Variants in QPCT observed in about 807,000 individuals in gnomAD.
The protein encoded by QPCT is glutaminyl-peptide cyclotransferase.
QPCT carries 44 observed loss-of-function variants against 43.4 expected under a neutral mutation model. That is an observed-to-expected ratio of 1.01 (90% CI 0.80 to 1.30). The LOEUF (loss-of-function observed/expected upper bound fraction) is 1.30. Ranked by LOEUF, QPCT falls within the 50% of genes most tolerant of loss-of-function variation. The probability of loss-of-function intolerance (pLI) is 0.00; values close to 1 mark genes in which losing one functional copy is unlikely to be tolerated. For missense variants in QPCT, 526 were observed against 436.5 expected, an observed-to-expected ratio of 1.21 and a Z score of -1.83; for synonymous variants, 168 against 168.4, an observed-to-expected ratio of 1.00 and a Z score of 0.02.
At chr2:37,372,652 C>T (rs368570964) in intron 6 of QPCT, 30 bp from the exon 7 acceptor site, 23 of 1,605,314 alleles carry the variant, frequency 1.4e-5, no homozygotes, top group East Asian at 1.3e-4. Context: ...GAGTAATGCA[C>T]ATTGTTACAA....
intron 6 of QPCT, 63 bp downstream of exon 6, chr2:37,372,535 A>G (rs943122180): frequency 1.4e-5 from 21 of 1,484,204 alleles, no homozygotes; most frequent in Admixed American, 1.3e-4. Flanking sequence ...TTGGAGTACA[A>G]CGGTGGGATA....
rs1398357780 is a variant in QPCT at position 37,352,822 on chromosome 2, G to C, written c.154G>C (p.Ala52Pro). Residue 52 changes from alanine to proline, a missense_variant, in exon 2 of 7, where the codon GCT becomes CCT. By Grantham distance (27) the Ala-to-Pro change is conservative. Coordinates refer to ENST00000338415, the MANE Select transcript of QPCT (RefSeq NM_012413.4). ...YHQPAILNSSALRQIAEGTSI... is the reference protein window; with the variant it reads ...YHQPAILNSSPLRQIAEGTSI... ...CCAGCCAGCCATTTTGAATTCATCG[G>C]CTCTTCGGCAAATTGCAGAAGGCAC... The C allele has an allele frequency of 6.2e-7, 1 of 1,614,082 alleles. No individual in the cohort carries two copies.
intron 6 of QPCT, 47 bp downstream of exon 6, chr2:37,372,519 C>G: frequency 6.6e-7 from 1 of 1,521,278 alleles, no homozygotes; most frequent in Non-Finnish European, 9.1e-7. Context: ...CGTGCACAGC[C>G]TGATTTTGGA....
At chr2:37,353,415 ACT>A in intron 2 of QPCT, among the ~76,000 whole-genome samples, 1 of 152,154 alleles carries the variant, frequency 6.6e-6, no homozygotes, top group Non-Finnish European at 1.5e-5. Context: ...CAAACTTCTG[ACT>A]CTGACACAAA....
At chr2:37,370,911 C>A (rs989436018) in intron 5 of QPCT, among the ~76,000 whole-genome samples, 1 of 152,168 alleles carries the variant, frequency 6.6e-6, no homozygotes. Context: ...CAGGGGGCTG[C>A]TTTGAAGGCA....
chr2:37,347,159 TATATAA>T (rs1453547054), intron 1 of QPCT, among the ~76,000 whole-genome samples: 3 of 68,694 alleles, frequency 4.4e-5, no homozygotes, highest in African/African-American at 2.0e-4. Flanking sequence ...TATATATATA[TATATAA>T]CATATATATA....
intron 5 of QPCT, among the ~76,000 whole-genome samples, chr2:37,370,903 G>C (rs1456438371): frequency 6.6e-6 from 1 of 152,200 alleles, no homozygotes; most frequent in Non-Finnish European, 1.5e-5. Flanking sequence ...ATCCAGGCCA[G>C]GGGGCTGCTT....
chr2:37,358,153 C>G (rs925718096), intron 2 of QPCT, among the ~76,000 whole-genome samples: 3 of 150,978 alleles, frequency 2.0e-5, no homozygotes, highest in African/African-American at 7.3e-5. Flanking sequence ...TGGTTCACAC[C>G]TGTAATGCCA....
At chr2:37,363,788 A>T (rs1572735531) in intron 3 of QPCT, among the ~76,000 whole-genome samples, 1 of 152,226 alleles carries the variant, frequency 6.6e-6, no homozygotes, top group East Asian at 1.9e-4. Context: ...AAGAGGAGAC[A>T]TTATATCTAT....
intron 3 of QPCT, 144 bp from the exon 4 acceptor site, chr2:37,367,088 A>G: frequency 1.2e-6 from 1 of 821,164 alleles, no homozygotes; most frequent in Non-Finnish European, 1.9e-6. Context: ...AGTGGTGTGG[A>G]ATAAATTTTG....
At chr2:37,350,769 T>G (rs1672604037) in intron 1 of QPCT, among the ~76,000 whole-genome samples, 1 of 152,232 alleles carries the variant, frequency 6.6e-6, no homozygotes, top group African/African-American at 2.4e-5. Context: ...ACTTTAAAAT[T>G]CATTCTATGG....
chr2:37,372,025 T>G (rs2124944197), intron 5 of QPCT, among the ~76,000 whole-genome samples: 1 of 152,346 alleles, frequency 6.6e-6, no homozygotes. Context: ...CATCTACACC[T>G]GCACCTGTGT....
Position 37,352,884 on chromosome 2 carries a change from A to G in QPCT, c.216A>G (p.Pro72=). The G allele has an allele frequency of 2.5e-6, 4 of 1,614,174 alleles. No individual in the cohort carries two copies. The highest frequency in any genetic ancestry group is 1.1e-5 in the South Asian group (1 of 91,088). The change falls in exon 2 of 7, where the codon CCA becomes CCG. Residue 72 remains proline, a synonymous_variant. Transcript: ENST00000338415. ...AAATGTGGCAAAATGACTTACAGCC[A>G]TTGCTGATAGAGCGATACCCGGGAT... ...ISEMWQNDLQ[P]LLIERYPGSP... is the part of the protein sequence containing the mutation.
At chr2:37,349,771 T>C (rs1672580548) in intron 1 of QPCT, among the ~76,000 whole-genome samples, 1 of 152,238 alleles carries the variant, frequency 6.6e-6, no homozygotes. Flanking sequence ...GGTAGCCACC[T>C]GTCTCTTCTG....
In QPCT at chr2:37,363,459, CA is replaced by C. The variant is rs760030748; in HGVS notation, c.546+3623del. 7.5e-3 allele frequency among the ~76,000 whole-genome samples: 358 copies of C among 47,844 alleles called. 1 individual carries two copies. The highest frequency in any genetic ancestry group is 0.059 in the South Asian group (92 of 1,564). The allele number at this position is 47,844 out of a possible 152,430, so 31.4% of individuals were successfully genotyped here. A position where few individuals can be genotyped will look rare whatever the true frequency, so the allele number is the denominator to read the frequency against. Reference sequence around the variant, plus strand: ...GCAACATAGTGAGGCTCCCTCTCTACAAAAAAAAAAAAAAAAAAAAAATTAG... The same window carrying C: ...GCAACATAGTGAGGCTCCCTCTCTACAAAAAAAAAAAAAAAAAAAAATTAG... On this transcript the variant is annotated intron_variant, in intron 3 of 6. Transcript: ENST00000338415.
intron 4 of QPCT, among the ~76,000 whole-genome samples, chr2:37,369,062 G>A (rs959491281): frequency 6.6e-6 from 1 of 152,114 alleles, no homozygotes; most frequent in Non-Finnish European, 1.5e-5. Context: ...GATAAATGAG[G>A]AGGTCTTAAT....
At chr2:37,353,035 T>C in intron 2 of QPCT, 100 bp downstream of exon 2, 1 of 1,339,932 alleles carries the variant, frequency 7.5e-7, no homozygotes, top group Non-Finnish European at 1.0e-6. Flanking sequence ...AATATTCAGA[T>C]CTGTCATCTC....
rs1476501215 is a variant in QPCT, at chr2:37,359,682, A to C, written c.370A>C (p.Ile124Leu). ...TGGGTACCGGTCTTTCTCAAATATC[A>C]TCAGCACCCTCAATCCCACTGCTAA... ...PYGYRSFSNI[I>L]STLNPTAKRH... The change falls in exon 3 of 7, where the codon ATC (isoleucine) becomes CTC (leucine). Residue 124 changes from isoleucine (I) to leucine (L), a missense_variant. By Grantham distance (5) the Ile-to-Leu change is conservative. Transcript: ENST00000338415. 6.2e-7 allele frequency: 1 copy of C among 1,614,098 alleles called. No individual in the cohort carries two copies. Among genetic ancestry groups the C allele is most frequent in the Non-Finnish European group, 8.5e-7 (1 of 1,179,986 alleles).
intron 2 of QPCT, among the ~76,000 whole-genome samples, chr2:37,355,691 T>C (rs960534732): frequency 6.6e-6 from 1 of 152,194 alleles, no homozygotes; most frequent in Non-Finnish European, 1.5e-5. Context: ...TTTGAGGAGA[T>C]AAGTTATTTG....
Sources: allele counts gnomAD v4.1 joint callset (sites outside exome capture counted in the v4.1 genomes callset), GRCh38; gene constraint gnomAD v4.1.1; transcripts MANE v1.5; gene names NCBI Gene and HGNC (gene_info 2026-07-23, HGNC 2026-07-21).